The following CCDC178 variants were observed in gnomAD, a reference collection of about 807,000 sequenced individuals.
CCDC178 encodes the protein coiled-coil domain-containing protein 178.
In CCDC178, 126 loss-of-function variants were observed where a neutral mutation model predicts 117.4. The observed-to-expected ratio is 1.07, with a 90% CI of 0.93 to 1.24. The LOEUF is 1.24. Among genes scored for constraint, CCDC178 ranks in the 50% most tolerant of loss-of-function variants. The probability of loss-of-function intolerance (pLI) is 0.00; values close to 1 mark genes in which losing one functional copy is unlikely to be tolerated. For missense variants in CCDC178, 1,030 were observed against 986.9 expected (o/e 1.04, Z -0.59); for synonymous variants, 283 against 313.4 (o/e 0.90, Z 1.02).
intron 20 of CCDC178, among the ~76,000 whole-genome samples, chr18:33,209,763 A>G (rs1210695827): frequency 6.6e-6 from 1 of 152,096 alleles, no homozygotes; most frequent in East Asian, 1.9e-4. Flanking sequence ...GAGCTATCCA[A>G]GAAACTGGTA....
At chr18:33,371,784 TAC>T (rs146013235) in intron 5 of CCDC178, among the ~76,000 whole-genome samples, 5,069 of 144,260 alleles carry the variant, frequency 0.035, 288 homozygotes, top group African/African-American at 0.12. Context: ...TAAACATATA[TAC>T]ACACACACAC....
chr18:33,178,745 T>A (rs1336960908), intron 20 of CCDC178, among the ~76,000 whole-genome samples: 2 of 152,200 alleles, frequency 1.3e-5, no homozygotes, highest in East Asian at 3.9e-4. Flanking sequence ...ATACTGTTTC[T>A]ACCTGGCTAG....
At chr18:33,053,544 A>G (rs2056779606) in intron 21 of CCDC178, among the ~76,000 whole-genome samples, 1 of 152,220 alleles carries the variant, frequency 6.6e-6, no homozygotes, top group African/African-American at 2.4e-5. Context: ...TAACTCCAAA[A>G]TAAGAGTTTC....
In CCDC178 at chr18:33,291,708, T is replaced by C. The variant is rs114716448; in HGVS notation, c.1176+1451A>G. Among the ~76,000 whole-genome samples, 683 of 152,208 alleles carry C rather than the reference T, an allele frequency of 4.5e-3. 3 individuals are homozygous for C. Among genetic ancestry groups the C allele is most frequent in the African/African-American group, 0.015 (639 of 41,542 alleles). On this transcript the variant is annotated intron_variant, in intron 12 of 22. Coordinates refer to ENST00000383096, the MANE Select transcript of CCDC178 (RefSeq NM_001105528.4). ...GAGTCATAATGAAAGGTCAGATGCT[T>C]CCAAGCAGGAGCACACCACTGCTGA...
intron 21 of CCDC178, among the ~76,000 whole-genome samples, chr18:33,053,511 G>T (rs891330186): frequency 1.3e-5 from 2 of 152,136 alleles, no homozygotes; most frequent in Non-Finnish European, 2.9e-5. Context: ...ATGTTCAGTT[G>T]TCTTCCTTGT....
intron 14 of CCDC178, among the ~76,000 whole-genome samples, chr18:33,248,474 G>T (rs2059576906): frequency 6.9e-6 from 1 of 145,528 alleles, no homozygotes; most frequent in Non-Finnish European, 1.5e-5. Context: ...TGTGTCGAGT[G>T]TTCTCATTGT....
At chr18:33,381,015 A>G (rs1486065932) in intron 5 of CCDC178, among the ~76,000 whole-genome samples, 1 of 152,194 alleles carries the variant, frequency 6.6e-6, no homozygotes, top group Non-Finnish European at 1.5e-5. Context: ...TGCAGTTATG[A>G]AAGTTTGGAA....
intron 21 of CCDC178, among the ~76,000 whole-genome samples, chr18:33,073,273 A>C (rs2145003860): frequency 6.6e-6 from 1 of 152,082 alleles, no homozygotes; most frequent in South Asian, 2.1e-4. Flanking sequence ...GATTATAATA[A>C]AATCTAATAA....
chr18:33,010,764 A>G (rs2055846911), intron 21 of CCDC178, among the ~76,000 whole-genome samples: 1 of 152,154 alleles, frequency 6.6e-6, no homozygotes, highest in Non-Finnish European at 1.5e-5. Flanking sequence ...TTTTTTCTTT[A>G]AGGGCTTAAG....
intron 22 of CCDC178, among the ~76,000 whole-genome samples, chr18:32,947,141 A>C (rs1246998937): frequency 1.3e-5 from 2 of 152,186 alleles, no homozygotes; most frequent in African/African-American, 4.8e-5. Flanking sequence ...ACTTACAAAG[A>C]AGATCTTTAT....
chr18:33,044,660 G>T (rs959202327), intron 21 of CCDC178, among the ~76,000 whole-genome samples: 5 of 152,012 alleles, frequency 3.3e-5, no homozygotes, highest in Admixed American at 3.3e-4. Flanking sequence ...TTTGATCTGG[G>T]TATATACCCA....
At chr18:33,421,448 A>C (rs774898908) in intron 2 of CCDC178, among the ~76,000 whole-genome samples, 9 of 152,200 alleles carry the variant, frequency 5.9e-5, no homozygotes, top group Non-Finnish European at 1.3e-4. Flanking sequence ...GATTGTTAAA[A>C]TTTTATGAAT....
intron 21 of CCDC178, among the ~76,000 whole-genome samples, chr18:33,059,184 CT>C (rs1426278482): frequency 2.0e-5 from 3 of 152,030 alleles, no homozygotes; most frequent in Non-Finnish European, 4.4e-5. Context: ...AAAAATCGCC[CT>C]TGAAAGTAAT....
At chr18:33,414,379 C>T (rs1386187351) in intron 2 of CCDC178, among the ~76,000 whole-genome samples, 1 of 151,912 alleles carries the variant, frequency 6.6e-6, no homozygotes, top group Non-Finnish European at 1.5e-5. Flanking sequence ...AGAACAGAGC[C>T]CTCAGAAATA....
At chr18:33,338,764 A>T (rs1157637692) in intron 9 of CCDC178, among the ~76,000 whole-genome samples, 2 of 152,068 alleles carry the variant, frequency 1.3e-5, no homozygotes, top group East Asian at 3.9e-4. Context: ...GGGGGTGGCA[A>T]GGGGTAAAAG....
intron 21 of CCDC178, among the ~76,000 whole-genome samples, chr18:33,047,100 C>T (rs540198128): frequency 6.6e-6 from 1 of 152,232 alleles, no homozygotes; most frequent in South Asian, 2.1e-4. Context: ...TAATGGTACA[C>T]ACAACTGTCT....
chr18:33,220,379 T>G (rs1439689971), intron 18 of CCDC178, among the ~76,000 whole-genome samples: 1 of 152,070 alleles, frequency 6.6e-6, no homozygotes, highest in Non-Finnish European at 1.5e-5. Context: ...ACAGCTAGTT[T>G]AAGTGGTGAT....
intron 10 of CCDC178, among the ~76,000 whole-genome samples, chr18:33,329,011 TTCA>T (rs1297647746): frequency 2.0e-5 from 3 of 152,174 alleles, no homozygotes; most frequent in African/African-American, 7.2e-5. Context: ...ATATAAATCT[TTCA>T]TCTTCTTAAA....
intron 11 of CCDC178, among the ~76,000 whole-genome samples, chr18:33,320,349 G>A (rs374849239): frequency 2.6e-5 from 4 of 152,086 alleles, no homozygotes; most frequent in Non-Finnish European, 4.4e-5. Context: ...AAACCCCATC[G>A]TTTCAGCCCA....
Sources: gnomAD v4.1 joint callset for allele counts (sites outside exome capture counted in the v4.1 genomes callset) on GRCh38, gnomAD v4.1.1 for gene constraint, MANE v1.5 for transcripts, NCBI Gene and HGNC (gene_info 2026-07-23, HGNC 2026-07-21) for gene names.